Variants in LTBP1 observed in about 807,000 individuals in gnomAD.
LTBP1 encodes latent transforming growth factor beta binding protein 1.
Under a neutral mutation model 207.6 loss-of-function variants are expected in LTBP1, and 129 were observed. The observed-to-expected ratio is 0.62, with a 90% CI of 0.54 to 0.72. The LOEUF (loss-of-function observed/expected upper bound fraction) is 0.72. LTBP1 is among the 30% of genes least tolerant of loss of function. The pLI is 0.00. For synonymous variants in LTBP1, 963 were observed against 833.7 expected (o/e 1.16, Z -2.67); for missense variants, 2,281 against 2,217.2 (o/e 1.03, Z -0.58).
At chr2:32,965,659 C>T (rs918390822) in intron 2 of LTBP1, among the ~76,000 whole-genome samples, 1 of 152,166 alleles carries the variant, frequency 6.6e-6, no homozygotes, top group African/African-American at 2.4e-5. Flanking sequence ...CTTGATAGCA[C>T]GTGTCTTTTT....
At chr2:33,088,846 A>G (rs1327857219) in intron 3 of LTBP1, among the ~76,000 whole-genome samples, 1 of 152,138 alleles carries the variant, frequency 6.6e-6, no homozygotes, top group Non-Finnish European at 1.5e-5. Context: ...ATAATTTAAA[A>G]GTAGTTGTGC....
At chr2:33,085,546 A>C (rs1200569126) in intron 3 of LTBP1, among the ~76,000 whole-genome samples, 1 of 152,214 alleles carries the variant, frequency 6.6e-6, no homozygotes, top group African/African-American at 2.4e-5. Flanking sequence ...AGTAGCAATT[A>C]CTGTGTGTTG....
In LTBP1 at chr2:33,275,474, C is replaced by T. The variant is rs1169888658; in HGVS notation, c.2870-327C>T. Among the ~76,000 whole-genome samples, 4 of 152,056 alleles carry T rather than the reference C, an allele frequency of 2.6e-5. No individual in the cohort carries two copies. The South Asian group carries it at 6.2e-4, about 24-fold the overall frequency. On this transcript the variant is annotated intron_variant, in intron 17 of 33. Transcript: ENST00000404816. The stretch of plus-strand genomic sequence containing the variant: ...CCGAGCCTGGCGGATCACCTGAGGT[C>T]GGGAGTTTGAGACCAGCCTGACCAA...
rs77988661 is a variant in LTBP1 at position 33,352,606 on chromosome 2, A to G, written c.4000+5096A>G. On this transcript the variant is annotated intron_variant, in intron 26 of 33. Coordinates refer to ENST00000404816, the MANE Select transcript of LTBP1 (RefSeq NM_206943.4). The stretch of plus-strand genomic sequence containing the variant: ...TACTTCCCTGGGTCAGTCTTTCAGC[A>G]TCACTTACCTGGATCATTGCAGTAG... 3.2e-3 allele frequency among the ~76,000 whole-genome samples: 487 copies of G among 152,240 alleles called. 1 individual carries two copies. The highest frequency in any genetic ancestry group is 0.011 in the African/African-American group (461 of 41,520).
intron 3 of LTBP1, among the ~76,000 whole-genome samples, chr2:33,076,451 A>G (rs906911552): frequency 2.3e-4 from 35 of 152,074 alleles, no homozygotes; most frequent in Admixed American, 1.8e-3. Flanking sequence ...TCTTTTGGAA[A>G]TGCTGGTTTC....
At chr2:33,397,674 A>ATTTTTTTTTT (rs71409616) in intron 33 of LTBP1, among the ~76,000 whole-genome samples, 4 of 117,494 alleles carry the variant, frequency 3.4e-5, no homozygotes, top group African/African-American at 9.5e-5. Flanking sequence ...CACCCGGCTA[A>ATTTTTTTTTT]TTTTTTTTTT....
At chr2:32,988,887 C>T (rs1683993865) in intron 2 of LTBP1, among the ~76,000 whole-genome samples, 1 of 152,156 alleles carries the variant, frequency 6.6e-6, no homozygotes, top group Admixed American at 6.5e-5. Context: ...TATATCCTGT[C>T]TTTGTTTTGG....
intron 28 of LTBP1, 54 bp downstream of exon 28, chr2:33,361,569 C>A: frequency 1.6e-6 from 2 of 1,240,136 alleles, no homozygotes; most frequent in Non-Finnish European, 2.3e-6. Flanking sequence ...GTCAGATATT[C>A]AAGTGAAAAC....
intron 3 of LTBP1, among the ~76,000 whole-genome samples, chr2:33,065,054 G>A (rs1331966564): frequency 6.6e-6 from 1 of 151,932 alleles, no homozygotes; most frequent in African/African-American, 2.4e-5. Flanking sequence ...GTAGAAACGG[G>A]GTCTAAAATG....
chr2:33,107,423 G>C (rs549025932), intron 3 of LTBP1, among the ~76,000 whole-genome samples: 1 of 152,024 alleles, frequency 6.6e-6, no homozygotes, highest in Admixed American at 6.6e-5. Context: ...ATTAATGGAT[G>C]ATATGAAACA....
intron 5 of LTBP1, among the ~76,000 whole-genome samples, chr2:33,140,754 G>C (rs576388306): frequency 4.0e-5 from 6 of 150,022 alleles, no homozygotes; most frequent in African/African-American, 1.5e-4. Flanking sequence ...TGCAACCTCC[G>C]CCTTCCGGGT....
chr2:33,085,716 G>T (rs1190602297), intron 3 of LTBP1, among the ~76,000 whole-genome samples: 1 of 152,174 alleles, frequency 6.6e-6, no homozygotes, highest in African/African-American at 2.4e-5. Context: ...TAAGAGGCAG[G>T]GGGGCCAGGA....
At chr2:33,130,148 G>A (rs575237235) in intron 4 of LTBP1, among the ~76,000 whole-genome samples, 3 of 152,150 alleles carry the variant, frequency 2.0e-5, no homozygotes, top group South Asian at 2.1e-4. Context: ...CTTGGCCTTC[G>A]GGTAAGCGAT....
chr2:33,268,222 G>T (rs1437449965), intron 15 of LTBP1, among the ~76,000 whole-genome samples: 1 of 152,196 alleles, frequency 6.6e-6, no homozygotes, highest in Non-Finnish European at 1.5e-5. Context: ...GTTCCCATCG[G>T]TTTCATATGG....
At chr2:33,349,514 G>T (rs895577394) in intron 26 of LTBP1, among the ~76,000 whole-genome samples, 1 of 151,548 alleles carries the variant, frequency 6.6e-6, no homozygotes, top group African/African-American at 2.4e-5. Context: ...TTGTGTAGAG[G>T]TTCATTTGTG....
Position 33,243,623 on chromosome 2 carries a change from G to A in LTBP1, c.1877-39G>A, listed in dbSNP as rs754962157. ...GTATAGCCAGAATCTGCTCAATGGG[G>A]CTTGACTGCTCCTTCTAAAGAATTG... On this transcript the variant is annotated intron_variant, in intron 9 of 33. Transcript: ENST00000404816. 5.0e-6 allele frequency: 8 copies of A among 1,608,924 alleles called. No homozygotes were observed. The East Asian group carries it at 1.1e-4, about 23-fold the overall frequency.
At chr2:33,188,964 T>A in intron 7 of LTBP1, 113 bp downstream of exon 7, 1 of 1,249,704 alleles carries the variant, frequency 8.0e-7, no homozygotes, top group Non-Finnish European at 1.1e-6. Context: ...TTTGACAAAC[T>A]ATGACTTGTG....
At chr2:33,117,012 A>C (rs2080786958) in intron 4 of LTBP1, among the ~76,000 whole-genome samples, 1 of 152,180 alleles carries the variant, frequency 6.6e-6, no homozygotes, top group Admixed American at 6.5e-5. Context: ...CAGTCTTTGC[A>C]ACAGGCTGGG....
intron 2 of LTBP1, among the ~76,000 whole-genome samples, chr2:32,961,819 G>T (rs539365561): frequency 6.6e-6 from 1 of 151,968 alleles, no homozygotes; most frequent in Non-Finnish European, 1.5e-5. Context: ...GGTGGTGGGC[G>T]CCGGTAATCC....
Sources: gnomAD v4.1 joint callset for allele counts (sites outside exome capture counted in the v4.1 genomes callset) on GRCh38, gnomAD v4.1.1 for gene constraint, MANE v1.5 for transcripts, NCBI Gene and HGNC (gene_info 2026-07-23, HGNC 2026-07-21) for gene names.